ERCC6L2: variants seen among roughly 807,000 people sequenced by gnomAD.
ERCC6L2 encodes DNA excision repair protein ERCC-6-like 2.
ERCC6L2 carries 77 observed loss-of-function variants against 132.0 expected under a neutral mutation model. The ratio of observed to expected loss-of-function variants is 0.58; its 90% CI spans 0.49 to 0.71. The LOEUF is 0.71. ERCC6L2 is among the 30% of genes least tolerant of loss of function. The pLI, the probability that ERCC6L2 is intolerant of heterozygous loss-of-function variation, is 0.00. For synonymous variants in ERCC6L2, 583 were observed against 632.4 expected (o/e 0.92, Z 1.17); for missense variants, 1,542 against 1,837.6 (o/e 0.84, Z 2.94).
chr9:95,893,188 G>A (rs1480444255), intron 2 of ERCC6L2, among the ~76,000 whole-genome samples: 4 of 152,044 alleles, frequency 2.6e-5, no homozygotes, highest in African/African-American at 9.7e-5. Context: ...CTCATTTTAA[G>A]GAATCTAAGA....
intron 16 of ERCC6L2, among the ~76,000 whole-genome samples, chr9:95,976,053 T>C (rs1301766069): frequency 6.6e-6 from 1 of 152,186 alleles, no homozygotes; most frequent in Non-Finnish European, 1.5e-5. Context: ...TTTTTGAGAT[T>C]TGACCCTGCT....
chr9:95,907,875 A>C (rs966738742), intron 4 of ERCC6L2, among the ~76,000 whole-genome samples: 1 of 151,644 alleles, frequency 6.6e-6, no homozygotes, highest in Non-Finnish European at 1.5e-5. Flanking sequence ...CCACACACCC[A>C]CTGTAGCATA....
At chr9:95,908,214 C>T (rs1829173587) in intron 4 of ERCC6L2, among the ~76,000 whole-genome samples, 1 of 152,122 alleles carries the variant, frequency 6.6e-6, no homozygotes, top group African/African-American at 2.4e-5. Context: ...CCCAGCACCT[C>T]AGAATGTAAC....
In ERCC6L2 at chr9:96,012,916, C is replaced by T; in HGVS notation, c.4366C>T (p.Pro1456Ser). ...CCTTTTTAAAAGTCATGGGAACAGT[C>T]CCACACAACTGCCAAAGAAAGTTCT... ...DDLFKSHGNS[P>S]TQLPKKVLSG... Residue 1456 changes from proline (P) to serine (S), a missense_variant, in exon 19 of 19, where the codon CCC becomes TCC. Physicochemically the swap from Pro to Ser is moderately conservative, Grantham distance 74. Around this residue, in one of 4 missense-constraint regions of ERCC6L2, gnomAD observed 442 missense variants for 583.4 expected, o/e 0.76. Coordinates refer to ENST00000653738, the MANE Select transcript of ERCC6L2 (RefSeq NM_020207.7). The T allele has an allele frequency of 7.3e-7, 1 of 1,367,442 alleles. No individual in the cohort carries two copies. The highest frequency in any genetic ancestry group is 9.8e-7 in the Non-Finnish European group (1 of 1,021,734). The allele number at this position is 1,367,442 out of a possible 1,614,324, so 84.7% of individuals were successfully genotyped here. A position where few individuals can be genotyped will look rare whatever the true frequency, so the allele number is the denominator to read the frequency against.
At chr9:95,955,103 T>A (rs979033033) in intron 12 of ERCC6L2, among the ~76,000 whole-genome samples, 8 of 152,150 alleles carry the variant, frequency 5.3e-5, no homozygotes, top group African/African-American at 1.9e-4. Context: ...AGCCTCCATA[T>A]GAGAGAAGCT....
chr9:95,884,662 A>G (rs982548714), intron 2 of ERCC6L2, among the ~76,000 whole-genome samples: 1 of 152,122 alleles, frequency 6.6e-6, no homozygotes, highest in African/African-American at 2.4e-5. Context: ...TTTACACTCT[A>G]CAGGGGATGA....
chr9:95,991,175 C>T (rs930705861), intron 17 of ERCC6L2, among the ~76,000 whole-genome samples: 2 of 152,006 alleles, frequency 1.3e-5, no homozygotes, highest in African/African-American at 2.4e-5. Flanking sequence ...GGTGGAAAAA[C>T]GGGGTCAGCT....
chr9:96,035,464 T>C (rs1262355228), intron 19 of ERCC6L2, among the ~76,000 whole-genome samples: 2 of 152,078 alleles, frequency 1.3e-5, no homozygotes, highest in African/African-American at 2.4e-5. Flanking sequence ...GAGGTTAGAA[T>C]GGTCAGCCAA....
intron 2 of ERCC6L2, among the ~76,000 whole-genome samples, chr9:95,894,616 C>T (rs139694510): frequency 0.03 from 2,499 of 84,006 alleles, 88 homozygotes; most frequent in Middle Eastern, 0.11. Flanking sequence ...TTTTTTGAGA[C>T]GGAGTTTCAC....
At chr9:96,036,133 T>A (rs1405400282) in intron 19 of ERCC6L2, among the ~76,000 whole-genome samples, 1 of 152,216 alleles carries the variant, frequency 6.6e-6, no homozygotes, top group Non-Finnish European at 1.5e-5. Context: ...CACACTGCCA[T>A]GCTGCTAGTC....
intron 17 of ERCC6L2, among the ~76,000 whole-genome samples, chr9:95,995,543 A>G (rs770340833): frequency 6.6e-6 from 1 of 152,226 alleles, no homozygotes; most frequent in Non-Finnish European, 1.5e-5. Context: ...ATCATAATAC[A>G]TAGGCATTCC....
chr9:95,914,259 T>C (rs1050219835), intron 4 of ERCC6L2, among the ~76,000 whole-genome samples: 3 of 152,352 alleles, frequency 2.0e-5, no homozygotes, highest in Admixed American at 6.5e-5. Context: ...TTTTTTAATG[T>C]GCTTATTTGA....
chr9:95,932,669 G>C (rs1045813902), intron 11 of ERCC6L2, among the ~76,000 whole-genome samples: 1 of 151,960 alleles, frequency 6.6e-6, no homozygotes, highest in Non-Finnish European at 1.5e-5. Context: ...TGGATACTTC[G>C]TTTGACCTTT....
chr9:95,959,848 G>C (rs10819668), intron 13 of ERCC6L2, among the ~76,000 whole-genome samples: 11 of 151,930 alleles, frequency 7.2e-5, no homozygotes, highest in African/African-American at 2.7e-4. Flanking sequence ...ACAAAAGGAA[G>C]TTGGGATCAG....
At chr9:95,890,747 A>T (rs1276528498) in intron 2 of ERCC6L2, among the ~76,000 whole-genome samples, 1 of 152,060 alleles carries the variant, frequency 6.6e-6, no homozygotes, top group Non-Finnish European at 1.5e-5. Flanking sequence ...GGCTCACTGC[A>T]GCCTTGACCT....
At position 95,998,704 on chromosome 9, in the gene ERCC6L2, C is replaced by G. The variant is rs1833553267; in HGVS notation, c.3493-5816C>G. Among the ~76,000 whole-genome samples the G allele has an allele frequency of 2.6e-5, 4 of 152,300 alleles. No homozygotes were observed. In the South Asian group the frequency reaches 8.3e-4, roughly 32 times the overall value. On this transcript the variant is annotated intron_variant, in intron 17 of 18. Transcript: ENST00000653738. ...AGAGCCTTCAAAAAGGAATGCAGCC[C>G]TGCCAACATCTTGACTTTAGCTTAG...
At chr9:95,899,123 T>C (rs1459144328) in intron 3 of ERCC6L2, among the ~76,000 whole-genome samples, 2 of 152,012 alleles carry the variant, frequency 1.3e-5, no homozygotes, top group African/African-American at 4.8e-5. Flanking sequence ...ATTTTAAATA[T>C]ATTAAAATAC....
chr9:95,999,793 C>T (rs1448202112), intron 17 of ERCC6L2, among the ~76,000 whole-genome samples: 1 of 151,848 alleles, frequency 6.6e-6, no homozygotes, highest in Non-Finnish European at 1.5e-5. Context: ...GTATTAGGAA[C>T]TTCTGGTGTT....
intron 13 of ERCC6L2, among the ~76,000 whole-genome samples, chr9:95,962,961 A>G (rs1831981308): frequency 6.6e-6 from 1 of 152,160 alleles, no homozygotes; most frequent in African/African-American, 2.4e-5. Context: ...TTAGACTAAT[A>G]AGGAGTGACC....
Sources: allele counts gnomAD v4.1 joint callset (sites outside exome capture counted in the v4.1 genomes callset), GRCh38; gene constraint gnomAD v4.1.1; regional missense constraint gnomAD v4.1.1; transcripts MANE v1.5; gene names NCBI Gene and HGNC (gene_info 2026-07-23, HGNC 2026-07-21).